Variants in SLC2A9 observed in about 807,000 individuals in gnomAD.
SLC2A9 encodes solute carrier family 2 member 9, also known as solute carrier family 2, facilitated glucose transporter member 9.
A neutral mutation model predicts 50.6 loss-of-function variants in SLC2A9; 39 were observed. The observed-to-expected ratio is 0.77, with a 90% CI of 0.60 to 1.01. The LOEUF (loss-of-function observed/expected upper bound fraction) is 1.01, where lower values mean the gene tolerates loss of function less well. Among genes scored for constraint, SLC2A9 ranks in the 50% least tolerant of loss-of-function variants. SLC2A9 has a pLI of 0.00. For synonymous variants in SLC2A9, 324 were observed against 276.9 expected (o/e 1.17, Z -1.69); for missense variants, 686 against 677.6 (o/e 1.01, Z -0.14).
intron 3 of SLC2A9, among the ~76,000 whole-genome samples, chr4:9,786,926 C>T (rs1271078826): frequency 6.6e-6 from 1 of 152,202 alleles, no homozygotes; most frequent in Non-Finnish European, 1.5e-5. Context: ...AGAGAATTAT[C>T]CAGCCCCAAA....
chr4:9,885,011 G>A (rs554037608), intron 10 of SLC2A9, among the ~76,000 whole-genome samples: 8 of 152,272 alleles, frequency 5.3e-5, no homozygotes, highest in Admixed American at 2.0e-4. Flanking sequence ...ACACACTGGG[G>A]CCTGTCTGGG....
intron 10 of SLC2A9, among the ~76,000 whole-genome samples, chr4:9,886,311 C>T (rs766608578): frequency 1.4e-4 from 21 of 152,196 alleles, no homozygotes; most frequent in Non-Finnish European, 2.4e-4. Flanking sequence ...ATTTACTCCT[C>T]GCGTCCACTG....
chr4:9,978,240 C>T (rs1755133694), intron 5 of SLC2A9, among the ~76,000 whole-genome samples: 1 of 152,158 alleles, frequency 6.6e-6, no homozygotes, highest in Admixed American at 6.5e-5. Flanking sequence ...TGGGCTGTAC[C>T]TGATGTGCTC....
At chr4:9,905,819 A>T (rs755467863) in intron 8 of SLC2A9, among the ~76,000 whole-genome samples, 1 of 151,924 alleles carries the variant, frequency 6.6e-6, no homozygotes, top group Non-Finnish European at 1.5e-5. Flanking sequence ...CCCATGTAGA[A>T]CACTTTGGGG....
At chr4:9,856,391 A>C (rs1730715550) in intron 10 of SLC2A9, among the ~76,000 whole-genome samples, 1 of 152,250 alleles carries the variant, frequency 6.6e-6, no homozygotes, top group African/African-American at 2.4e-5. Flanking sequence ...TCATTAGAGA[A>C]ATGCAAATCA....
chr4:9,841,896 A>AGCTGCTCACTCTGTCTCC (rs1728136738), intron 10 of SLC2A9, among the ~76,000 whole-genome samples: 1 of 152,142 alleles, frequency 6.6e-6, no homozygotes, highest in South Asian at 2.1e-4. Flanking sequence ...TTGCTGACTC[A>AGCTGCTCACTCTGTCTCC]CCTGCTCACT....
intron 10 of SLC2A9, among the ~76,000 whole-genome samples, chr4:9,869,332 T>C (rs1463773859): frequency 6.6e-6 from 1 of 152,066 alleles, no homozygotes; most frequent in Non-Finnish European, 1.5e-5. Flanking sequence ...CAACAGTAGC[T>C]TCCCACTGGC....
chr4:9,913,421 G>T (rs1454713557), intron 7 of SLC2A9, among the ~76,000 whole-genome samples: 1 of 152,050 alleles, frequency 6.6e-6, no homozygotes, highest in East Asian at 1.9e-4. Flanking sequence ...TAAACACAGA[G>T]GTGGCCGCCA....
At chr4:9,909,857 G>A (rs1039984495) in intron 7 of SLC2A9, among the ~76,000 whole-genome samples, 2 of 152,234 alleles carry the variant, frequency 1.3e-5, no homozygotes, top group Non-Finnish European at 2.9e-5. Context: ...TACTTATTCA[G>A]CAGAAGTGTT....
At chr4:9,817,483 A>G (rs1373991304) in intron 3 of SLC2A9, among the ~76,000 whole-genome samples, 1 of 152,234 alleles carries the variant, frequency 6.6e-6, no homozygotes, top group Non-Finnish European at 1.5e-5. Context: ...CCACTGATCC[A>G]GCCCAGAATG....
At chr4:10,025,960 G>A, upstream of SLC2A9, 1 of 1,613,998 alleles carries the variant, frequency 6.2e-7, no homozygotes, top group South Asian at 1.1e-5. Flanking sequence ...TTTTTACTGA[G>A]CTTCATGGTT....
intron 10 of SLC2A9, among the ~76,000 whole-genome samples, chr4:9,871,799 C>A (rs930184317): frequency 6.6e-5 from 10 of 152,344 alleles, no homozygotes; most frequent in Admixed American, 5.9e-4. Context: ...CCCCATAAAA[C>A]CTATGAGTTA....
At chr4:9,777,388 T>G (rs1717710700), downstream of SLC2A9, among the ~76,000 whole-genome samples, 1 of 152,014 alleles carries the variant, frequency 6.6e-6, no homozygotes, top group African/African-American at 2.4e-5. Flanking sequence ...CTTGATATAC[T>G]TTATCATCTT....
At chr4:9,823,161 AAAG>A (rs759825406), downstream of SLC2A9, among the ~76,000 whole-genome samples, 38 of 152,322 alleles carry the variant, frequency 2.5e-4, no homozygotes, top group Admixed American at 1.3e-3. Flanking sequence ...GCGAACCTGA[AAAG>A]AAGAAATATA....
At chr4:9,845,317 G>A (rs1266723663) in intron 10 of SLC2A9, among the ~76,000 whole-genome samples, 1 of 149,430 alleles carries the variant, frequency 6.7e-6, no homozygotes, top group African/African-American at 2.5e-5. Context: ...CCAGCCAAAA[G>A]TTCAATTTTA....
chr4:9,772,780 T>G (rs1335217808), intron 1 of SLC2A9, among the ~76,000 whole-genome samples: 3 of 152,148 alleles, frequency 2.0e-5, no homozygotes, highest in Non-Finnish European at 4.4e-5. Flanking sequence ...ACCCATGATA[T>G]CTCTTCATAG....
intron 2 of SLC2A9, among the ~76,000 whole-genome samples, chr4:10,005,268 C>T (rs1760578596): frequency 6.6e-6 from 1 of 152,178 alleles, no homozygotes. Context: ...GGACGACAGG[C>T]AGAGTTAACA....
chr4:9,988,174 C>T (rs1221526441), intron 3 of SLC2A9, among the ~76,000 whole-genome samples: 1 of 152,192 alleles, frequency 6.6e-6, no homozygotes, highest in Non-Finnish European at 1.5e-5. Context: ...TGATTTGGAC[C>T]AGGCTGGGAG....
intron 2 of SLC2A9, among the ~76,000 whole-genome samples, chr4:10,002,117 G>A: frequency 6.6e-6 from 1 of 152,252 alleles, no homozygotes; most frequent in East Asian, 1.9e-4. Flanking sequence ...CAGCGGTGCA[G>A]TCAATGGCAG....
Sources: allele counts gnomAD v4.1 joint callset (sites outside exome capture counted in the v4.1 genomes callset), GRCh38; gene constraint gnomAD v4.1.1; transcripts MANE v1.5; gene names NCBI Gene and HGNC (gene_info 2026-07-23, HGNC 2026-07-21).